The following CNTN4 variants were observed in gnomAD, a reference collection of about 807,000 sequenced individuals.
CNTN4 encodes contactin 4, also known as contactin-4.
A neutral mutation model predicts 122.5 loss-of-function variants in CNTN4; 77 were observed. The ratio of observed to expected loss-of-function variants is 0.63; its 90% CI spans 0.52 to 0.76. The LOEUF (loss-of-function observed/expected upper bound fraction) is 0.76, where lower values mean the gene tolerates loss of function less well. Among genes scored for constraint, CNTN4 ranks in the 30% least tolerant of loss-of-function variants. The pLI, the probability that CNTN4 is intolerant of heterozygous loss-of-function variation, is 0.00. For missense variants in CNTN4, 1,256 were observed against 1,259.1 expected, an observed-to-expected ratio of 1.00 and a Z score of 0.04; for synonymous variants, 512 against 447.0, an observed-to-expected ratio of 1.15 and a Z score of -1.83.
chr3:2,449,347 A>T (rs751943922), intron 3 of CNTN4, among the ~76,000 whole-genome samples: 4 of 151,566 alleles, frequency 2.6e-5, no homozygotes, highest in Non-Finnish European at 4.4e-5. Flanking sequence ...GGGCGTGGTG[A>T]CTCACACCTG....
intron 14 of CNTN4, among the ~76,000 whole-genome samples, chr3:3,007,319 G>A (rs553880024): frequency 6.6e-6 from 1 of 152,162 alleles, no homozygotes; most frequent in Non-Finnish European, 1.5e-5. Flanking sequence ...ATTGATTTCT[G>A]AGTAACTTGT....
intron 3 of CNTN4, among the ~76,000 whole-genome samples, chr3:2,436,416 T>C (rs991719525): frequency 6.6e-6 from 1 of 151,978 alleles, no homozygotes; most frequent in Admixed American, 6.6e-5. Flanking sequence ...CTGATTAGAG[T>C]CTCAAGGTAT....
chr3:2,674,342 A>T (rs2084711961), intron 4 of CNTN4, among the ~76,000 whole-genome samples: 1 of 152,200 alleles, frequency 6.6e-6, no homozygotes, highest in African/African-American at 2.4e-5. Context: ...CTATTGATAT[A>T]TATAATGTAC....
chr3:2,960,335 T>C (rs1239905630), intron 13 of CNTN4, among the ~76,000 whole-genome samples: 2 of 152,232 alleles, frequency 1.3e-5, no homozygotes, highest in African/African-American at 4.8e-5. Context: ...ATTTCTCATG[T>C]CTATAGGTAC....
At chr3:2,904,676 T>C (rs2094210439) in intron 12 of CNTN4, among the ~76,000 whole-genome samples, 1 of 152,216 alleles carries the variant, frequency 6.6e-6, no homozygotes, top group African/African-American at 2.4e-5. Context: ...TTGCTAACTA[T>C]TGGTACTTGG....
At chr3:2,456,994 C>G (rs73804593) in intron 3 of CNTN4, among the ~76,000 whole-genome samples, 1 of 152,020 alleles carries the variant, frequency 6.6e-6, no homozygotes, top group Non-Finnish European at 1.5e-5. Flanking sequence ...CTCTGTTTTA[C>G]GAATGAGGAA....
At chr3:2,301,916 A>G (rs761108090) in intron 2 of CNTN4, among the ~76,000 whole-genome samples, 1 of 152,240 alleles carries the variant, frequency 6.6e-6, no homozygotes, top group South Asian at 2.1e-4. Context: ...CAGCAATAAC[A>G]TCAAGCATAT....
intron 4 of CNTN4, among the ~76,000 whole-genome samples, chr3:2,627,725 C>T (rs562211260): frequency 2.0e-4 from 30 of 152,150 alleles, no homozygotes; most frequent in Non-Finnish European, 3.1e-4. Flanking sequence ...GATCTCCTGA[C>T]CTTGTGATCT....
At chr3:2,107,485 C>T (rs1017042329) in intron 2 of CNTN4, among the ~76,000 whole-genome samples, 3 of 152,116 alleles carry the variant, frequency 2.0e-5, no homozygotes, top group East Asian at 1.9e-4. Flanking sequence ...GATCAGATCT[C>T]GTGAGAATCA....
At chr3:2,408,468 G>A (rs1339377534) in intron 3 of CNTN4, among the ~76,000 whole-genome samples, 4 of 152,198 alleles carry the variant, frequency 2.6e-5, no homozygotes, top group Admixed American at 6.5e-5. Context: ...CATGCCAGCA[G>A]TTTGCTAATG....
At chr3:2,344,995 G>A (rs1241526395) in intron 3 of CNTN4, among the ~76,000 whole-genome samples, 1 of 152,174 alleles carries the variant, frequency 6.6e-6, no homozygotes, top group African/African-American at 2.4e-5. Context: ...GGAAATAGTT[G>A]ACAGAGAAAC....
intron 2 of CNTN4, among the ~76,000 whole-genome samples, chr3:2,324,365 C>T (rs563429772): frequency 6.6e-6 from 1 of 152,112 alleles, no homozygotes; most frequent in Admixed American, 6.5e-5. Context: ...TACTTTTGTT[C>T]TACATAACAT....
At chr3:2,677,912 G>C (rs557639791) in intron 4 of CNTN4, among the ~76,000 whole-genome samples, 147 of 152,204 alleles carry the variant, frequency 9.7e-4, no homozygotes, top group African/African-American at 3.4e-3. Flanking sequence ...GAAATGTAAA[G>C]CATTTAATCA....
At chr3:2,795,755 G>A (rs935097242) in intron 6 of CNTN4, among the ~76,000 whole-genome samples, 1 of 151,780 alleles carries the variant, frequency 6.6e-6, no homozygotes, top group Non-Finnish European at 1.5e-5. Context: ...CTCCTGACCT[G>A]GTGATCCACC....
At chr3:2,987,682 C>T (rs1694701603) in intron 13 of CNTN4, among the ~76,000 whole-genome samples, 2 of 152,148 alleles carry the variant, frequency 1.3e-5, no homozygotes, top group African/African-American at 4.8e-5. Context: ...AATTCTTCCT[C>T]TTCCAGATTT....
intron 8 of CNTN4, among the ~76,000 whole-genome samples, chr3:2,878,967 A>G (rs1288137655): frequency 6.6e-6 from 1 of 152,192 alleles, no homozygotes; most frequent in Non-Finnish European, 1.5e-5. Flanking sequence ...ATTATTGGTA[A>G]TAGCTAAAAG....
chr3:2,997,374 G>T (rs750662383), intron 14 of CNTN4, among the ~76,000 whole-genome samples: 7 of 152,202 alleles, frequency 4.6e-5, no homozygotes, highest in East Asian at 1.9e-4. Flanking sequence ...GGTCCCATGG[G>T]GGGAGCCAAC....
intron 14 of CNTN4, among the ~76,000 whole-genome samples, chr3:3,022,092 GAATT>G (rs1372272255): frequency 3.3e-5 from 4 of 121,682 alleles, no homozygotes; most frequent in African/African-American, 6.1e-5. Context: ...AAAAAAAAAA[GAATT>G]AGTTGGGCAT....
chr3:2,622,225 G>A (rs911987702), intron 4 of CNTN4, among the ~76,000 whole-genome samples: 6 of 152,138 alleles, frequency 3.9e-5, no homozygotes, highest in African/African-American at 7.2e-5. Flanking sequence ...CTTTTGGTGG[G>A]AAGAATAACT....
Sources: allele counts gnomAD v4.1 joint callset (sites outside exome capture counted in the v4.1 genomes callset), GRCh38; gene constraint gnomAD v4.1.1; transcripts MANE v1.5; gene names NCBI Gene and HGNC (gene_info 2026-07-23, HGNC 2026-07-21).